Variants in AKAP10 observed in about 807,000 individuals in gnomAD.
The protein encoded by AKAP10 is A-kinase anchor protein 10, mitochondrial.
AKAP10 carries 24 observed loss-of-function variants against 80.8 expected under a neutral mutation model. The ratio of observed to expected loss-of-function variants is 0.30; its 90% confidence interval spans 0.22 to 0.42. AKAP10 has a LOEUF of 0.42. AKAP10 is among the 10% of genes least tolerant of loss of function. AKAP10 has a pLI of 1.00. For missense variants in AKAP10, 661 were observed against 794.9 expected (o/e 0.83, Z 2.03); for synonymous variants, 291 against 277.7 (o/e 1.05, Z -0.48).
chr17:19,924,074 C>A (rs2042848029), intron 11 of AKAP10, among the ~76,000 whole-genome samples: 1 of 152,150 alleles, frequency 6.6e-6, no homozygotes, highest in South Asian at 2.1e-4. Flanking sequence ...CAACTTAATT[C>A]TTAAACTCAA....
At chr17:19,970,448 CTAAG>C (rs1322809810) in intron 1 of AKAP10, among the ~76,000 whole-genome samples, 1 of 152,198 alleles carries the variant, frequency 6.6e-6, no homozygotes, top group East Asian at 1.9e-4. Flanking sequence ...TTCTGTCCCC[CTAAG>C]TATTATACAT....
intron 2 of AKAP10, among the ~76,000 whole-genome samples, chr17:19,965,314 T>A (rs1036688360): frequency 6.6e-6 from 1 of 152,210 alleles, no homozygotes; most frequent in Non-Finnish European, 1.5e-5. Context: ...ACCTGTTTAT[T>A]TTTAACACCT....
intron 1 of AKAP10, among the ~76,000 whole-genome samples, chr17:19,974,849 T>C (rs1050687019): frequency 2.6e-5 from 4 of 151,984 alleles, no homozygotes; most frequent in African/African-American, 9.7e-5. Flanking sequence ...TTATTTTTTC[T>C]TTTTGTAGAG....
At chr17:19,916,205 C>T (rs2042740840) in intron 12 of AKAP10, among the ~76,000 whole-genome samples, 1 of 152,222 alleles carries the variant, frequency 6.6e-6, no homozygotes, top group Admixed American at 6.5e-5. Flanking sequence ...TGACAACCAC[C>T]TCGAAAATAG....
intron 14 of AKAP10, among the ~76,000 whole-genome samples, chr17:19,907,427 T>TTTG: frequency 6.6e-6 from 1 of 151,266 alleles, no homozygotes; most frequent in Non-Finnish European, 1.5e-5. Context: ...TTTTTTTTTT[T>TTTG]TGAGACAGAG....
At chr17:19,939,087 T>C (rs1465086744) in intron 8 of AKAP10, among the ~76,000 whole-genome samples, 1 of 152,186 alleles carries the variant, frequency 6.6e-6, no homozygotes, top group Non-Finnish European at 1.5e-5. Flanking sequence ...TACCATACGT[T>C]ACAGAGCTGG....
chr17:19,909,839 C>T, intron 13 of AKAP10, 87 bp downstream of exon 13: 1 of 1,213,942 alleles, frequency 8.2e-7, no homozygotes, highest in Non-Finnish European at 1.2e-6. Context: ...AAACATGGGA[C>T]CTAAAGAAAA....
chr17:19,968,546 C>A, intron 1 of AKAP10, 85 bp from the exon 2 acceptor site: 1 of 1,116,096 alleles, frequency 9.0e-7, no homozygotes, highest in South Asian at 1.3e-5. Context: ...CAGCTTTATT[C>A]TAAGATGAGT....
In AKAP10 at chr17:19,968,043, T is replaced by TA. The variant is rs1279524283; in HGVS notation, c.136+370dup. The TA allele has an allele frequency of 1.9e-5, 3 of 161,088 alleles. No individual in the cohort carries two copies. The Admixed American group carries it at 2.0e-4, about 11-fold the overall frequency. 10.0% of individuals were successfully genotyped at this position (161,088 alleles called of 1,614,324 possible). On this transcript the variant is annotated intron_variant, in intron 2 of 14. Transcript: ENST00000225737. The stretch of plus-strand genomic sequence containing the variant: ...GTGAAACTCTGTCTCTACTAAAAAA[T>TA]ACAAAAAATTAGCCAGGCGTGGCGC...
At chr17:19,965,421 C>A (rs902841976) in intron 2 of AKAP10, among the ~76,000 whole-genome samples, 1 of 152,208 alleles carries the variant, frequency 6.6e-6, no homozygotes, top group Admixed American at 6.5e-5. Flanking sequence ...AAACACCATA[C>A]TTACAGCATC....
At chr17:19,936,123 TGACTGTACATACCAGGCCA>T in intron 9 of AKAP10, 144 bp downstream of exon 9, 1 of 659,740 alleles carries the variant, frequency 1.5e-6, no homozygotes, top group South Asian at 2.7e-5. Flanking sequence ...ATGTGGCACG[TGACTGTACATACCAGGCCA>T]GACTCAAGGC....
chr17:19,919,997 G>A lies in AKAP10; in HGVS notation c.1834+39C>T, dbSNP rs1284841976. 2.6e-6 allele frequency: 4 copies of A among 1,525,596 alleles called. No homozygotes were observed. In the African/African-American group the frequency reaches 5.5e-5, roughly 21 times the overall value. The allele number at this position is 1,525,596 out of a possible 1,614,324, so 94.5% of individuals were successfully genotyped here. A position where few individuals can be genotyped will look rare whatever the true frequency, so the allele number is the denominator to read the frequency against. On this transcript the variant is annotated intron_variant, in intron 12 of 14. Coordinates refer to ENST00000225737, the MANE Select transcript of AKAP10 (RefSeq NM_007202.4). ...TTGACTTACAGTCAATCACTAATGT[G>A]AGTAAAGGCTTAATATGAAGTATAA... is the stretch of plus-strand genomic sequence containing the variant.
intron 12 of AKAP10, among the ~76,000 whole-genome samples, chr17:19,916,683 A>AC: frequency 6.6e-6 from 1 of 151,648 alleles, no homozygotes. Flanking sequence ...CACACCTGTA[A>AC]TCCCAGCACT....
chr17:19,964,361 T>C (rs1323150510), intron 2 of AKAP10, among the ~76,000 whole-genome samples: 1 of 152,224 alleles, frequency 6.6e-6, no homozygotes, highest in African/African-American at 2.4e-5. Flanking sequence ...CATGGTATTA[T>C]ACTCTCCTAA....
chr17:19,976,408 G>GA (rs1201059762), intron 1 of AKAP10, among the ~76,000 whole-genome samples: 1 of 151,778 alleles, frequency 6.6e-6, no homozygotes, highest in Non-Finnish European at 1.5e-5. Context: ...TTAAACCTGG[G>GA]AGACAGAGGT....
chr17:19,914,805 G>A (rs2042728097), intron 12 of AKAP10, among the ~76,000 whole-genome samples: 1 of 152,066 alleles, frequency 6.6e-6, no homozygotes, highest in Non-Finnish European at 1.5e-5. Flanking sequence ...GCTTGCCACA[G>A]CCATGAAATA....
chr17:19,923,298 G>A (rs1220158101), intron 11 of AKAP10, among the ~76,000 whole-genome samples: 1 of 151,734 alleles, frequency 6.6e-6, no homozygotes, highest in African/African-American at 2.4e-5. Context: ...GGCTGGTCTC[G>A]AACTCCTGAG....
chr17:19,936,762 G>T (rs749854985), intron 8 of AKAP10, among the ~76,000 whole-genome samples: 1 of 152,168 alleles, frequency 6.6e-6, no homozygotes, highest in Non-Finnish European at 1.5e-5. Flanking sequence ...ATTCTCTGTT[G>T]AGGACTTGAT....
intron 1 of AKAP10, 62 bp from the exon 2 acceptor site, chr17:19,968,523 G>A: frequency 7.6e-7 from 1 of 1,323,584 alleles, no homozygotes; most frequent in South Asian, 1.2e-5. Context: ...CTATAACACT[G>A]TAAAAATTAG....
Sources: gnomAD v4.1 joint callset for allele counts (sites outside exome capture counted in the v4.1 genomes callset) on GRCh38, gnomAD v4.1.1 for gene constraint, MANE v1.5 for transcripts, NCBI Gene and HGNC (gene_info 2026-07-23, HGNC 2026-07-21) for gene names.